Variants in ZNF618 observed in about 807,000 individuals in gnomAD.
The protein encoded by ZNF618 is zinc finger protein 618, also known as neural precursor cell expressed, developmentally down-regulated 10.
Under a neutral mutation model 103.0 loss-of-function variants are expected in ZNF618, and 34 were observed. That is an observed-to-expected ratio of 0.33 (90% CI 0.25 to 0.44). ZNF618 has a LOEUF of 0.44. Ranked by LOEUF, ZNF618 falls within the 20% of genes least tolerant of loss-of-function variation. The pLI, the probability that ZNF618 is intolerant of heterozygous loss-of-function variation, is 1.00. For missense variants in ZNF618, 1,059 were observed against 1,295.4 expected, an observed-to-expected ratio of 0.82 and a Z score of 2.80; for synonymous variants, 551 against 542.2, an observed-to-expected ratio of 1.02 and a Z score of -0.23.
At chr9:113,926,644 C>A (rs1054334727) in intron 1 of ZNF618, among the ~76,000 whole-genome samples, 1 of 152,128 alleles carries the variant, frequency 6.6e-6, no homozygotes, top group African/African-American at 2.4e-5. Context: ...TTCCATCTCT[C>A]TGCTTATATT....
chr9:114,027,139 C>T (rs1322556183), intron 10 of ZNF618, among the ~76,000 whole-genome samples: 2 of 152,148 alleles, frequency 1.3e-5, no homozygotes, highest in African/African-American at 4.8e-5. Context: ...ATGAGACAAG[C>T]AATCACCTGG....
chr9:113,941,779 T>C (rs548565331), intron 1 of ZNF618, among the ~76,000 whole-genome samples: 3 of 152,348 alleles, frequency 2.0e-5, no homozygotes, highest in Non-Finnish European at 4.4e-5. Context: ...ATGTCTTGTT[T>C]TATTCTTCTT....
chr9:114,003,686 C>T (rs554417369), intron 6 of ZNF618, among the ~76,000 whole-genome samples: 9 of 152,270 alleles, frequency 5.9e-5, no homozygotes, highest in East Asian at 5.8e-4. Context: ...GTCAGAAGAG[C>T]GGTTCCCCTG....
At position 114,044,227 on chromosome 9, in the gene ZNF618, G is replaced by A. The variant is rs1230982612; in HGVS notation, c.1247-3666G>A. Among the ~76,000 whole-genome samples the A allele has an allele frequency of 3.3e-5, 5 of 152,242 alleles. No individual in the cohort carries two copies. In the East Asian group the frequency reaches 7.7e-4, roughly 23 times the overall value. On this transcript the variant is annotated intron_variant, in intron 13 of 14. Coordinates refer to ENST00000374126, the MANE Select transcript of ZNF618 (RefSeq NM_001318042.2). ...ATCTTGAGTTGATTTTTTGTGTAAGGTGAGAGATGAGGATCCAGTTTTATT... is the reference window on the plus strand; with the variant it reads ...ATCTTGAGTTGATTTTTTGTGTAAGATGAGAGATGAGGATCCAGTTTTATT...
intron 2 of ZNF618, among the ~76,000 whole-genome samples, chr9:113,973,743 C>T (rs1234653062): frequency 2.0e-5 from 3 of 152,184 alleles, no homozygotes; most frequent in African/African-American, 7.2e-5. Flanking sequence ...CAGTTACAGA[C>T]TTGGTGTAAT....
In ZNF618 at chr9:114,043,165, T is replaced by G. The variant is rs150584621; in HGVS notation, c.1247-4728T>G. On this transcript the variant is annotated intron_variant, in intron 13 of 14. Transcript: ENST00000374126. ...TTAGATCTCCAGTTCGGGGCTATTA[T>G]GAATAACGCTGCTATGAACATTCAT... is the stretch of plus-strand genomic sequence containing the variant. 3.0e-3 allele frequency among the ~76,000 whole-genome samples: 459 copies of G among 152,382 alleles called. 1 individual carries two copies. The highest frequency in any genetic ancestry group is 5.0e-3 in the Non-Finnish European group (339 of 68,042).
At chr9:114,019,018 C>T (rs1167981432) in intron 10 of ZNF618, among the ~76,000 whole-genome samples, 1 of 152,144 alleles carries the variant, frequency 6.6e-6, no homozygotes, top group Non-Finnish European at 1.5e-5. Flanking sequence ...ATGGCTGGGA[C>T]TTGAGACTCT....
At chr9:113,996,373 T>C (rs1840598149) in intron 3 of ZNF618, among the ~76,000 whole-genome samples, 1 of 152,234 alleles carries the variant, frequency 6.6e-6, no homozygotes, top group African/African-American at 2.4e-5. Flanking sequence ...TCACCAGCTT[T>C]GGATTTCTAT....
intron 1 of ZNF618, among the ~76,000 whole-genome samples, chr9:113,924,545 A>G (rs1832913053): frequency 6.7e-6 from 1 of 148,538 alleles, no homozygotes; most frequent in Non-Finnish European, 1.5e-5. Flanking sequence ...TTTAAATTTC[A>G]TTGATTTCTG....
At chr9:113,952,561 A>C (rs1319917815) in intron 1 of ZNF618, among the ~76,000 whole-genome samples, 2 of 152,346 alleles carry the variant, frequency 1.3e-5, no homozygotes, top group Non-Finnish European at 2.9e-5. Context: ...TAGGGATGGC[A>C]TGATGGTTGA....
chr9:114,021,504 T>C lies in ZNF618; in HGVS notation c.844+4720T>C, dbSNP rs147627570. Among the ~76,000 whole-genome samples the C allele has an allele frequency of 5.6e-3, 851 of 152,194 alleles. 9 individuals carry two copies. The Middle Eastern group carries it at 0.065, about 12-fold the overall frequency. ...CCTAGGATTAGCAGAATGCCTATAT[T>C]TAATCAGTGGTGTGTTAATGAAGGT... On this transcript the variant is annotated intron_variant, in intron 10 of 14. Transcript: ENST00000374126.
chr9:114,020,142 A>T (rs1842954485), intron 10 of ZNF618, among the ~76,000 whole-genome samples: 1 of 152,130 alleles, frequency 6.6e-6, no homozygotes, highest in South Asian at 2.1e-4. Context: ...GTGGAAAGTT[A>T]TTTGAATGTG....
At chr9:113,985,362 C>T (rs1018955137) in intron 2 of ZNF618, among the ~76,000 whole-genome samples, 2 of 152,336 alleles carry the variant, frequency 1.3e-5, no homozygotes, top group African/African-American at 4.8e-5. Flanking sequence ...ATCCCCTTTT[C>T]TTGTTGGCCA....
At chr9:113,887,928 C>A (rs1386715997) in intron 1 of ZNF618, among the ~76,000 whole-genome samples, 4 of 152,144 alleles carry the variant, frequency 2.6e-5, no homozygotes, top group Non-Finnish European at 5.9e-5. Context: ...ATTTATCTGC[C>A]TTGAAATACA....
intron 1 of ZNF618, among the ~76,000 whole-genome samples, chr9:113,910,166 G>A (rs1831399057): frequency 6.6e-6 from 1 of 152,096 alleles, no homozygotes; most frequent in African/African-American, 2.4e-5. Flanking sequence ...GATACACCTT[G>A]ATTTTCCACC....
At chr9:114,002,169 C>T in intron 5 of ZNF618, 96 bp downstream of exon 5, 2 of 1,076,634 alleles carry the variant, frequency 1.9e-6, no homozygotes, top group South Asian at 2.5e-5. Context: ...CCCAGAGGCC[C>T]TGACAGCTCC....
intron 1 of ZNF618, among the ~76,000 whole-genome samples, chr9:113,936,589 A>G (rs1834045555): frequency 6.6e-6 from 1 of 152,218 alleles, no homozygotes; most frequent in Non-Finnish European, 1.5e-5. Context: ...GCCTGTGACC[A>G]AAGGTCCCCT....
intron 10 of ZNF618, among the ~76,000 whole-genome samples, chr9:114,025,839 T>G (rs1240606448): frequency 1.3e-5 from 2 of 152,230 alleles, no homozygotes; most frequent in Non-Finnish European, 2.9e-5. Context: ...GTTCTGACTT[T>G]AAATTTCCTG....
intron 1 of ZNF618, among the ~76,000 whole-genome samples, chr9:113,887,242 T>C (rs1285764512): frequency 1.3e-5 from 2 of 152,080 alleles, no homozygotes; most frequent in South Asian, 2.1e-4. Flanking sequence ...AGTAGGTGGT[T>C]GAAATGGAGG....
Sources: allele counts gnomAD v4.1 joint callset (sites outside exome capture counted in the v4.1 genomes callset), GRCh38; gene constraint gnomAD v4.1.1; transcripts MANE v1.5; gene names NCBI Gene and HGNC (gene_info 2026-07-23, HGNC 2026-07-21).